EEPD1: variants seen among roughly 807,000 people sequenced by gnomAD.
EEPD1 encodes endonuclease/exonuclease/phosphatase family domain-containing protein 1.
Under a neutral mutation model 46.3 loss-of-function variants are expected in EEPD1, and 17 were observed. The ratio of observed to expected loss-of-function variants is 0.37; its 90% CI spans 0.25 to 0.55. The LOEUF is 0.55. EEPD1 is among the 20% of genes least tolerant of loss of function. The pLI is 0.83. For synonymous variants in EEPD1, 313 were observed against 315.6 expected, an observed-to-expected ratio of 0.99 and a Z score of 0.09; for missense variants, 673 against 745.6, an observed-to-expected ratio of 0.90 and a Z score of 1.13.
intron 3 of EEPD1, among the ~76,000 whole-genome samples, chr7:36,255,772 A>G (rs1786819337): frequency 1.3e-5 from 2 of 152,286 alleles, no homozygotes; most frequent in South Asian, 4.1e-4. Flanking sequence ...TTTTCAAAAA[A>G]CCAGCTCCTG....
At chr7:36,220,683 G>A (rs1198489238) in intron 2 of EEPD1, among the ~76,000 whole-genome samples, 1 of 152,194 alleles carries the variant, frequency 6.6e-6, no homozygotes, top group Non-Finnish European at 1.5e-5. Context: ...ACATGAAAAT[G>A]TCTCTGATGT....
chr7:36,177,357 T>A (rs553606126), intron 2 of EEPD1, among the ~76,000 whole-genome samples: 1 of 152,292 alleles, frequency 6.6e-6, no homozygotes, highest in East Asian at 1.9e-4. Context: ...GGGGTATGAA[T>A]GACCCCATCA....
At chr7:36,279,671 C>G (rs899831878) in intron 3 of EEPD1, among the ~76,000 whole-genome samples, 13 of 152,194 alleles carry the variant, frequency 8.5e-5, no homozygotes, top group African/African-American at 3.1e-4. Flanking sequence ...AGGACCTGGG[C>G]GGCCACAGCA....
chr7:36,281,040 G>A, intron 3 of EEPD1, 75 bp from the exon 4 acceptor site: 1 of 1,264,698 alleles, frequency 7.9e-7, no homozygotes. Flanking sequence ...GCAGTGCCTG[G>A]CTTCTCAGGC....
chr7:36,253,777 G>A (rs573404920), intron 3 of EEPD1, among the ~76,000 whole-genome samples: 4 of 152,208 alleles, frequency 2.6e-5, no homozygotes, highest in African/African-American at 9.6e-5. Context: ...CTATTTGCAT[G>A]ATATATCTTT....
At chr7:36,253,958 G>A (rs1384651353) in intron 3 of EEPD1, among the ~76,000 whole-genome samples, 1 of 151,896 alleles carries the variant, frequency 6.6e-6, no homozygotes, top group African/African-American at 2.4e-5. Context: ...ATTTATGTCT[G>A]CCATTTTATC....
intron 2 of EEPD1, among the ~76,000 whole-genome samples, chr7:36,231,934 G>T (rs984791591): frequency 2.6e-5 from 4 of 152,110 alleles, no homozygotes; most frequent in African/African-American, 9.7e-5. Context: ...TTCCAATAAG[G>T]TTAGAAATAA....
chr7:36,268,678 G>A (rs895397996), intron 3 of EEPD1, among the ~76,000 whole-genome samples: 5 of 152,132 alleles, frequency 3.3e-5, no homozygotes, highest in African/African-American at 1.2e-4. Context: ...GTGGAATGTC[G>A]AAGGGGGATC....
In EEPD1 at chr7:36,211,953, G is replaced by A. The variant is rs548004834; in HGVS notation, c.879-27032G>A. ...AAAAAAAAAAAAAATTAACTTTTGT[G>A]TATCACAAGCATTAGAAACAAAATG... On this transcript the variant is annotated intron_variant, in intron 2 of 7. Coordinates refer to ENST00000242108, the MANE Select transcript of EEPD1 (RefSeq NM_030636.3). Among the ~76,000 whole-genome samples the A allele has an allele frequency of 2.2e-3, 328 of 151,942 alleles. 2 individuals are homozygous for A. Among genetic ancestry groups the A allele is most frequent in the African/African-American group, 7.3e-3 (302 of 41,430 alleles).
chr7:36,232,153 G>A (rs1670672413), intron 2 of EEPD1, among the ~76,000 whole-genome samples: 4 of 148,970 alleles, frequency 2.7e-5, no homozygotes, highest in African/African-American at 7.4e-5. Flanking sequence ...TGCCCCTAAA[G>A]CTATTCCATT....
At chr7:36,228,166 A>G (rs772881147) in intron 2 of EEPD1, among the ~76,000 whole-genome samples, 75 of 152,334 alleles carry the variant, frequency 4.9e-4, no homozygotes, top group Middle Eastern at 6.8e-3. Context: ...AGGCGTGTTC[A>G]GACATCTGGA....
chr7:36,269,123 G>A (rs758785751), intron 3 of EEPD1, among the ~76,000 whole-genome samples: 15 of 152,128 alleles, frequency 9.9e-5, no homozygotes, highest in Non-Finnish European at 1.8e-4. Flanking sequence ...TTCTGGCTTG[G>A]CAATCCCATG....
chr7:36,276,878 G>A (rs1463494609), intron 3 of EEPD1, among the ~76,000 whole-genome samples: 2 of 152,230 alleles, frequency 1.3e-5, no homozygotes, highest in Non-Finnish European at 2.9e-5. Context: ...CCGAGAGGGT[G>A]GGGTGGCAGT....
intron 6 of EEPD1, 127 bp from the exon 7 acceptor site, chr7:36,296,866 C>T (rs1365317900): frequency 3.6e-6 from 3 of 834,210 alleles, no homozygotes; most frequent in Non-Finnish European, 5.5e-6. Context: ...GAGTGAGAAC[C>T]ATGCCACAGT....
At chr7:36,236,536 G>A (rs373517367) in intron 2 of EEPD1, among the ~76,000 whole-genome samples, 9 of 152,198 alleles carry the variant, frequency 5.9e-5, no homozygotes, top group African/African-American at 1.7e-4. Context: ...GGCTGCCTTA[G>A]TGCCCAGGCT....
At chr7:36,183,197 T>G (rs1239925949) in intron 2 of EEPD1, among the ~76,000 whole-genome samples, 4 of 152,226 alleles carry the variant, frequency 2.6e-5, no homozygotes, top group Non-Finnish European at 4.4e-5. Flanking sequence ...CTTTGCTGTG[T>G]AGACGGCACG....
At chr7:36,244,348 C>A (rs1411076777) in intron 3 of EEPD1, among the ~76,000 whole-genome samples, 1 of 151,950 alleles carries the variant, frequency 6.6e-6, no homozygotes, top group Non-Finnish European at 1.5e-5. Context: ...TAAATTTGAA[C>A]AATAAAAGAT....
At chr7:36,200,415 G>A (rs1432306590) in intron 2 of EEPD1, among the ~76,000 whole-genome samples, 1 of 152,156 alleles carries the variant, frequency 6.6e-6, no homozygotes, top group Non-Finnish European at 1.5e-5. Flanking sequence ...TGACTTTAAG[G>A]ATAGCTGTTA....
intron 2 of EEPD1, among the ~76,000 whole-genome samples, chr7:36,195,680 T>C (rs1400678269): frequency 6.6e-6 from 1 of 152,134 alleles, no homozygotes; most frequent in Non-Finnish European, 1.5e-5. Flanking sequence ...GGAGATCTCT[T>C]GTACTTCATG....
Sources: gnomAD v4.1 joint callset for allele counts (sites outside exome capture counted in the v4.1 genomes callset) on GRCh38, gnomAD v4.1.1 for gene constraint, MANE v1.5 for transcripts, NCBI Gene and HGNC (gene_info 2026-07-23, HGNC 2026-07-21) for gene names.